Variants in COL26A1 observed in about 807,000 individuals in gnomAD.
COL26A1 encodes collagen type XXVI alpha 1 chain, also known as collagen alpha-1(XXVI) chain.
COL26A1 carries 41 observed loss-of-function variants against 59.3 expected under a neutral mutation model. That is an observed-to-expected ratio of 0.69 (90% CI 0.54 to 0.90). The LOEUF (loss-of-function observed/expected upper bound fraction) is 0.90, where lower values mean the gene tolerates loss of function less well. COL26A1 is among the 40% of genes least tolerant of loss of function. The pLI is 0.00. For synonymous variants in COL26A1, 266 were observed against 256.0 expected (o/e 1.04, Z -0.37); for missense variants, 612 against 602.3 (o/e 1.02, Z -0.17).
intron 3 of COL26A1, among the ~76,000 whole-genome samples, chr7:101,523,071 CTT>C (rs543281151): frequency 2.8e-4 from 39 of 140,256 alleles, no homozygotes; most frequent in Non-Finnish European, 2.3e-4. Context: ...AAAAGAAATT[CTT>C]TTTTTTTTTT....
chr7:101,501,215 AAG>A (rs1200829472), intron 3 of COL26A1, among the ~76,000 whole-genome samples: 3 of 125,758 alleles, frequency 2.4e-5, no homozygotes, highest in Non-Finnish European at 3.6e-5. Context: ...AAGAAAAGAA[AAG>A]AAAAAAAAAA....
chr7:101,463,949 T>C (rs1793696008), intron 3 of COL26A1, among the ~76,000 whole-genome samples: 2 of 149,164 alleles, frequency 1.3e-5, no homozygotes, highest in African/African-American at 2.5e-5. Flanking sequence ...TTAATCTTTC[T>C]CTCTCTCTTT....
intron 12 of COL26A1, among the ~76,000 whole-genome samples, chr7:101,556,551 GT>G (rs1218388296): frequency 6.6e-6 from 1 of 151,944 alleles, no homozygotes; most frequent in Non-Finnish European, 1.5e-5. Flanking sequence ...GAGTGGATGG[GT>G]AGATGCATGG....
At chr7:101,406,525 G>A (rs765198341) in intron 1 of COL26A1, among the ~76,000 whole-genome samples, 4 of 152,158 alleles carry the variant, frequency 2.6e-5, no homozygotes. Context: ...GGGCTGTTGG[G>A]GGGCTATGGC....
At chr7:101,540,132 CACACA>C in intron 5 of COL26A1, 83 bp downstream of exon 5, 1 of 1,390,306 alleles carries the variant, frequency 7.2e-7, no homozygotes, top group Non-Finnish European at 9.7e-7. Context: ...CTAGAGAGGC[CACACA>C]CTAGACACTC....
At chr7:101,385,213 TACAC>T (rs71129618) in intron 1 of COL26A1, among the ~76,000 whole-genome samples, 30,762 of 141,158 alleles carry the variant, frequency 0.22, 3,971 homozygotes, top group African/African-American at 0.36. Flanking sequence ...ACACTATATA[TACAC>T]ACACACACAC....
At chr7:101,385,367 G>GTATATATATATATATATATATA (rs373941775) in intron 1 of COL26A1, among the ~76,000 whole-genome samples, 1,589 of 136,750 alleles carry the variant, frequency 0.012, 31 homozygotes, top group Non-Finnish European at 0.02. Flanking sequence ...ATATATGTGT[G>GTATATATATATATATATATATA]TATATATATA....
At chr7:101,379,299 T>G (rs138821813) in intron 1 of COL26A1, among the ~76,000 whole-genome samples, 2 of 152,240 alleles carry the variant, frequency 1.3e-5, no homozygotes, top group Non-Finnish European at 2.9e-5. Context: ...CCTGAAACGC[T>G]TCACACAGGG....
intron 3 of COL26A1, among the ~76,000 whole-genome samples, chr7:101,525,266 C>T (rs979958017): frequency 3.5e-4 from 50 of 141,882 alleles, no homozygotes; most frequent in African/African-American, 1.2e-3. Flanking sequence ...TCTACAACCT[C>T]TGTCTCCTGG....
intron 2 of COL26A1, among the ~76,000 whole-genome samples, chr7:101,425,491 G>A (rs1375066394): frequency 6.6e-6 from 1 of 152,040 alleles, no homozygotes; most frequent in African/African-American, 2.4e-5. Flanking sequence ...GATCAGAGAT[G>A]TCAGAGAACT....
intron 3 of COL26A1, among the ~76,000 whole-genome samples, chr7:101,456,178 T>A (rs903838395): frequency 2.8e-5 from 4 of 144,452 alleles, no homozygotes; most frequent in African/African-American, 1.1e-4. Context: ...ATTTTTTTTT[T>A]AATGGAGATA....
At chr7:101,433,667 G>A (rs1792833170) in intron 2 of COL26A1, among the ~76,000 whole-genome samples, 1 of 152,134 alleles carries the variant, frequency 6.6e-6, no homozygotes, top group Non-Finnish European at 1.5e-5. Context: ...GCTGGGGCAG[G>A]CGGGGAAAGG....
At chr7:101,493,408 A>G (rs150228653) in intron 3 of COL26A1, among the ~76,000 whole-genome samples, 47 of 152,122 alleles carry the variant, frequency 3.1e-4, no homozygotes, top group African/African-American at 1.1e-3. Flanking sequence ...CCTCCTGACT[A>G]CTGGGTTCCT....
chr7:101,403,665 C>T (rs984376170), intron 1 of COL26A1, among the ~76,000 whole-genome samples: 2 of 152,208 alleles, frequency 1.3e-5, no homozygotes, highest in African/African-American at 4.8e-5. Flanking sequence ...GCATGAACCA[C>T]CGTGCCCAGC....
At chr7:101,551,598 T>C (rs1795863071) in intron 10 of COL26A1, among the ~76,000 whole-genome samples, 1 of 152,030 alleles carries the variant, frequency 6.6e-6, no homozygotes, top group South Asian at 2.1e-4. Flanking sequence ...AATACAAAAA[T>C]TAGCTGAGTG....
chr7:101,363,607 CGCGGGGCT>C (rs1207884278), intron 1 of COL26A1, among the ~76,000 whole-genome samples: 6 of 118,176 alleles, frequency 5.1e-5, no homozygotes, highest in Non-Finnish European at 1.0e-4. Flanking sequence ...GGGTTGGGGC[CGCGGGGCT>C]GCGGGGCTGC....
At chr7:101,489,686 T>C (rs1453853408) in intron 3 of COL26A1, among the ~76,000 whole-genome samples, 1 of 16,034 alleles carries the variant, frequency 6.2e-5, no homozygotes, top group Admixed American at 8.5e-4. Context: ...CCTTCCTTTC[T>C]TTCTTTCTTT....
At chr7:101,462,285 AC>A (rs1048561278) in intron 3 of COL26A1, among the ~76,000 whole-genome samples, 3 of 151,910 alleles carry the variant, frequency 2.0e-5, no homozygotes, top group Non-Finnish European at 2.9e-5. Context: ...GGCTTGAGCC[AC>A]CGCACCCAGC....
intron 1 of COL26A1, among the ~76,000 whole-genome samples, chr7:101,364,811 C>G (rs1038037548): frequency 6.6e-6 from 1 of 151,084 alleles, no homozygotes; most frequent in Non-Finnish European, 1.5e-5. Flanking sequence ...CTCAAGAGAT[C>G]CTCCTGCCTC....
Sources: allele counts gnomAD v4.1 joint callset (sites outside exome capture counted in the v4.1 genomes callset), GRCh38; gene constraint gnomAD v4.1.1; transcripts MANE v1.5; gene names NCBI Gene and HGNC (gene_info 2026-07-23, HGNC 2026-07-21).